The following SARNP variants were observed in gnomAD, a reference collection of about 807,000 sequenced individuals.
SARNP encodes the protein SAP domain-containing ribonucleoprotein.
A neutral mutation model predicts 38.1 loss-of-function variants in SARNP; 5 were observed. That is an observed-to-expected ratio of 0.13 (90% CI 0.07 to 0.28). The LOEUF (loss-of-function observed/expected upper bound fraction) is 0.28, where lower values mean the gene tolerates loss of function less well. SARNP is among the 10% of genes least tolerant of loss of function. The pLI, the probability that SARNP is intolerant of heterozygous loss-of-function variation, is 1.00. For missense variants in SARNP, 180 were observed against 243.9 expected (o/e 0.74, Z 1.75); for synonymous variants, 84 against 80.6 (o/e 1.04, Z -0.23).
At position 55,794,350 on chromosome 12, in the gene SARNP, T is replaced by TA. The variant is rs1879758979; in HGVS notation, c.406+8dup. 1 of 1,605,122 alleles carries TA rather than the reference T, an allele frequency of 6.2e-7. No individual in the cohort carries two copies. The highest frequency in any genetic ancestry group is 1.1e-5 in the South Asian group (1 of 89,412). ...GGTAACTTTCTCAGAAGTATCTCTG[T>TA]ACTCTTACCTTTTGTTGGAACTGAA... is the stretch of plus-strand genomic sequence containing the variant. On this transcript the variant is annotated intron_variant, in intron 7 of 10. Transcript: ENST00000336133.
intron 9 of SARNP, among the ~76,000 whole-genome samples, chr12:55,767,956 T>G (rs527563617): frequency 5.9e-5 from 9 of 151,990 alleles, no homozygotes; most frequent in African/African-American, 2.2e-4. Flanking sequence ...TTAGATCCAT[T>G]ACCAAGGCAA....
chr12:55,784,095 GA>G (rs2136191161), intron 9 of SARNP, among the ~76,000 whole-genome samples: 2 of 152,160 alleles, frequency 1.3e-5, no homozygotes, highest in South Asian at 4.1e-4. Flanking sequence ...AGACAACAGA[GA>G]TGACAAAAAG....
At chr12:55,755,099 G>A (rs1459567028), downstream of SARNP, 1 of 152,130 alleles carries the variant, frequency 6.6e-6, no homozygotes, top group Non-Finnish European at 1.5e-5. Flanking sequence ...ATTTTGGGGG[G>A]ATTCCAATAA....
chr12:55,757,281 ATTT>A lies in SARNP; in HGVS notation c.*228_*230del. 1 of 380,232 alleles carries A rather than the reference ATTT, an allele frequency of 2.6e-6. No homozygotes were observed. Among genetic ancestry groups the A allele is most frequent in the Non-Finnish European group, 4.7e-6 (1 of 210,626 alleles). The allele number at this position is 380,232 out of a possible 1,614,324, so 23.6% of individuals were successfully genotyped here. ...AATAAAACACATTGTTCTCTTTTCT[ATTT>A]TTTTTTATTAACAAGCAACATAATC... On this transcript the variant is annotated 3_prime_UTR_variant, in exon 11 of 11. Coordinates refer to ENST00000336133, the MANE Select transcript of SARNP (RefSeq NM_033082.4).
chr12:55,765,079 A>G (rs557885975), intron 9 of SARNP, among the ~76,000 whole-genome samples: 24 of 152,296 alleles, frequency 1.6e-4, no homozygotes, highest in African/African-American at 5.8e-4. Context: ...CTTCTTGCGG[A>G]GAGGCAAGAC....
chr12:55,798,490 CCT>C (rs1269283712), intron 4 of SARNP, among the ~76,000 whole-genome samples: 2 of 151,984 alleles, frequency 1.3e-5, no homozygotes. Flanking sequence ...GGAGTGAGTC[CCT>C]GTCTCAAAAA....
At chr12:55,779,718 T>G (rs535584529) in intron 9 of SARNP, among the ~76,000 whole-genome samples, 4 of 152,276 alleles carry the variant, frequency 2.6e-5, no homozygotes, top group Admixed American at 2.0e-4. Flanking sequence ...CATAGTACAG[T>G]AGTCCCTCTT....
chr12:55,762,326 GAC>G (rs1384600772), intron 9 of SARNP, among the ~76,000 whole-genome samples: 13 of 146,144 alleles, frequency 8.9e-5, no homozygotes, highest in Non-Finnish European at 1.6e-4. Flanking sequence ...TTTTTTTTGA[GAC>G]AGAGTCTTAC....
rs185025293 is a variant in SARNP, at chr12:55,816,900, C to G, written c.36+766G>C. Among the ~76,000 whole-genome samples, 175 of 152,010 alleles carry G rather than the reference C, an allele frequency of 1.2e-3. 7 individuals carry two copies. Among genetic ancestry groups the G allele is most frequent in the Admixed American group, 7.5e-3 (114 of 15,280 alleles). On this transcript the variant is annotated intron_variant, in intron 1 of 10. Coordinates refer to ENST00000336133, the MANE Select transcript of SARNP (RefSeq NM_033082.4). The stretch of plus-strand genomic sequence containing the variant: ...TAACACCAGGAGATGCAGGGCCCAC[C>G]CGAGATATGAAATGGAACAGAGATA...
In SARNP at chr12:55,775,241, T is replaced by TTA. The variant is rs773374514; in HGVS notation, c.501+13833_501+13834insTA. Among the ~76,000 whole-genome samples, 210 of 118,576 alleles carry TTA rather than the reference T, an allele frequency of 1.8e-3. 2 individuals are homozygous for TTA. The highest frequency in any genetic ancestry group is 6.2e-3 in the African/African-American group (206 of 33,162). 77.8% of individuals were successfully genotyped at this position (118,576 alleles called of 152,430 possible). On this transcript the variant is annotated intron_variant, in intron 9 of 10. Transcript: ENST00000336133. ...GCTCTGGGAGTTAAAAGGTTAAAAT[T>TTA]AAAAAAAAAAAAAAAAAAGAACATG...
rs1880542305 is a variant in SARNP at position 55,817,691 on chromosome 12, T to C, written c.11A>G (p.Glu4Gly). 1 of 1,613,322 alleles carries C rather than the reference T, an allele frequency of 6.2e-7. No homozygotes were observed. The highest frequency in any genetic ancestry group is 8.5e-7 in the Non-Finnish European group (1 of 1,179,670). The part of the protein sequence containing the change: MAT[E>G]TVELHKLKLA... The stretch of plus-strand genomic sequence containing the variant: ...CTTTAGCTTATGGAGCTCCACCGTC[T>C]CGGTCGCCATCTTGTTACCCCTCAC... The change falls in exon 1 of 11, where the codon GAG becomes GGG. Residue 4 changes from glutamate to glycine, a missense_variant. Physicochemically the swap from Glu to Gly is moderately conservative, Grantham distance 98. Around this residue, in one of 2 missense-constraint regions of SARNP, gnomAD observed 161 missense variants for 194.1 expected, o/e 0.83. Transcript: ENST00000336133.
chr12:55,767,848 GAAAAAAAAA>G (rs767928003), intron 9 of SARNP, among the ~76,000 whole-genome samples: 1 of 35,394 alleles, frequency 2.8e-5, no homozygotes, highest in Non-Finnish European at 5.9e-5. Flanking sequence ...CTCCCTCTCA[GAAAAAAAAA>G]AAAAAAAAAA....
chr12:55,770,873 G>T (rs547135634), intron 9 of SARNP, among the ~76,000 whole-genome samples: 1 of 152,046 alleles, frequency 6.6e-6, no homozygotes, highest in East Asian at 1.9e-4. Context: ...TGCCAAAAGG[G>T]GTCCAATTTG....
chr12:55,756,726 G>GT (rs1387215563), downstream of SARNP: 2 of 152,314 alleles, frequency 1.3e-5, no homozygotes, highest in East Asian at 1.9e-4. Flanking sequence ...CTAACAATGC[G>GT]TAACAGCTCT....
At chr12:55,809,036 A>G (rs567939725) in intron 1 of SARNP, among the ~76,000 whole-genome samples, 89 of 151,966 alleles carry the variant, frequency 5.9e-4, no homozygotes, top group Non-Finnish European at 1.0e-3. Context: ...TTGAAATCCC[A>G]TCTCTACTAA....
intron 9 of SARNP, among the ~76,000 whole-genome samples, chr12:55,780,905 A>G (rs992573948): frequency 2.0e-5 from 3 of 152,198 alleles, no homozygotes; most frequent in African/African-American, 7.2e-5. Context: ...GGAATTTCCC[A>G]TTTAATATTT....
chr12:55,764,141 C>T (rs993359908), intron 9 of SARNP, among the ~76,000 whole-genome samples: 8 of 152,202 alleles, frequency 5.3e-5, no homozygotes, highest in Non-Finnish European at 1.2e-4. Flanking sequence ...AGGAAAAGGG[C>T]TCCAGTTAGT....
intron 9 of SARNP, among the ~76,000 whole-genome samples, chr12:55,766,350 T>C (rs1251426407): frequency 6.6e-6 from 1 of 152,104 alleles, no homozygotes; most frequent in East Asian, 1.9e-4. Context: ...AAACTGTCCT[T>C]ACTGGCCAAA....
In SARNP at chr12:55,757,542, C is replaced by T. The variant is rs765112837; in HGVS notation, c.603G>A (p.Arg201=). Residue 201 remains arginine, a synonymous_variant, in exon 11 of 11, where the codon AGG becomes AGA. Transcript: ENST00000336133. ...GTTEDTEAKK[R]KRAERFGIA ...CAATCCCAAAGCGCTCTGCTCTTTT[C>T]CTCTTCTTTGCCTGTAAAGAAGAAG... 6.2e-7 allele frequency: 1 copy of T among 1,609,970 alleles called. No individual in the cohort carries two copies. The highest frequency in any genetic ancestry group is 1.1e-5 in the South Asian group (1 of 90,246).
Sources: allele counts gnomAD v4.1 joint callset (sites outside exome capture counted in the v4.1 genomes callset), GRCh38; gene constraint gnomAD v4.1.1; regional missense constraint gnomAD v4.1.1; transcripts MANE v1.5; gene names NCBI Gene and HGNC (gene_info 2026-07-23, HGNC 2026-07-21).